The following NF1 variants were observed in gnomAD, a reference collection of about 807,000 sequenced individuals.
NF1 encodes neurofibromin.
NF1 carries 122 observed loss-of-function variants against 325.7 expected under a neutral mutation model. That is an observed-to-expected ratio of 0.37 (90% confidence interval 0.32 to 0.44). The LOEUF (loss-of-function observed/expected upper bound fraction) is 0.44, where lower values mean the gene tolerates loss of function less well. Among genes scored for constraint, NF1 ranks in the 20% least tolerant of loss-of-function variants. The probability of loss-of-function intolerance (pLI) is 1.00; values close to 1 mark genes in which losing one functional copy is unlikely to be tolerated. For missense variants in NF1, 2,140 were observed against 3,415.4 expected (o/e 0.63, Z 9.31); for synonymous variants, 1,091 against 1,186.0 (o/e 0.92, Z 1.65).
chr17:31,184,741 C>A (rs543957583), intron 8 of NF1, among the ~76,000 whole-genome samples: 2 of 152,058 alleles, frequency 1.3e-5, no homozygotes, highest in African/African-American at 4.8e-5. Context: ...AGATACTGAG[C>A]CTCAAATCTG....
intron 8 of NF1, among the ~76,000 whole-genome samples, chr17:31,188,571 G>C (rs2066282415): frequency 6.6e-6 from 1 of 152,086 alleles, no homozygotes. Context: ...ACAAGGGGTG[G>C]ACTTGTGATG....
Position 31,350,278 on chromosome 17 carries a change from A to C in NF1, c.7417A>C (p.Met2473Leu), listed in dbSNP as rs1555536144. Residue 2473 changes from methionine (M) to leucine (L), a missense_variant, in exon 50 of 58, where the codon ATG becomes CTG. This residue lies in a region of NF1 where 522 missense variants were observed against 749.0 expected (regional missense o/e 0.70). Coordinates refer to ENST00000358273, the MANE Select transcript of NF1 (RefSeq NM_001042492.3). ...TGATATTTCAATGGAAAATGTTCCTATGGATACATATCCCATTCATCATGG... is the reference window on the plus strand; with the variant it reads ...TGATATTTCAATGGAAAATGTTCCTCTGGATACATATCCCATTCATCATGG... ...LTDISMENVP[M>L]DTYPIHHGDP... 1 of 1,613,290 alleles carries C rather than the reference A, an allele frequency of 6.2e-7. No homozygotes were observed.
intron 2 of NF1, 74 bp from the exon 3 acceptor site, chr17:31,158,936 C>T: frequency 1.2e-6 from 1 of 861,258 alleles, no homozygotes; most frequent in Non-Finnish European, 2.0e-6. Context: ...TTTAGTCTTT[C>T]ACTTTTCAGA....
At chr17:31,197,582 T>A (rs1173104780) in intron 8 of NF1, among the ~76,000 whole-genome samples, 1 of 152,186 alleles carries the variant, frequency 6.6e-6, no homozygotes, top group African/African-American at 2.4e-5. Context: ...TGGAATTGTT[T>A]TCTTAATTTC....
intron 29 of NF1, among the ~76,000 whole-genome samples, chr17:31,242,176 C>T (rs1298174930): frequency 6.6e-6 from 1 of 151,700 alleles, no homozygotes; most frequent in African/African-American, 2.4e-5. Context: ...TTTCTTTATC[C>T]TTGACCTTTG....
chr17:31,158,712 G>T (rs2065710429), intron 2 of NF1, among the ~76,000 whole-genome samples: 1 of 151,996 alleles, frequency 6.6e-6, no homozygotes, highest in Non-Finnish European at 1.5e-5. Flanking sequence ...CAAGATTCTG[G>T]TACAGGTCTA....
chr17:31,343,694 A>T (rs1200681454), intron 48 of NF1, among the ~76,000 whole-genome samples: 2 of 151,950 alleles, frequency 1.3e-5, no homozygotes, highest in Non-Finnish European at 2.9e-5. Context: ...GGTGGCTCAC[A>T]CCTGTAGTCC....
chr17:31,112,416 G>A (rs1386881804), intron 1 of NF1, among the ~76,000 whole-genome samples: 1 of 152,150 alleles, frequency 6.6e-6, no homozygotes, highest in Non-Finnish European at 1.5e-5. Flanking sequence ...GTATATGAGA[G>A]TTTCAGTTGT....
At chr17:31,338,174 A>C in intron 45 of NF1, 35 bp downstream of exon 45, 1 of 1,422,992 alleles carries the variant, frequency 7.0e-7, no homozygotes. Context: ...CCAAATATTT[A>C]TGGTTCTCAA....
At chr17:31,266,057 T>C (rs1251015872) in intron 36 of NF1, among the ~76,000 whole-genome samples, 2 of 152,200 alleles carry the variant, frequency 1.3e-5, no homozygotes, top group Admixed American at 6.5e-5. Flanking sequence ...TTCATGGTAA[T>C]TGAGCCTTAG....
intron 57 of NF1, among the ~76,000 whole-genome samples, chr17:31,372,883 G>A (rs1396800394): frequency 6.6e-6 from 1 of 152,104 alleles, no homozygotes; most frequent in Non-Finnish European, 1.5e-5. Flanking sequence ...GGGCATGGTG[G>A]CATGCACCTG....
chr17:31,302,229 A>G (rs961531117), intron 36 of NF1, among the ~76,000 whole-genome samples: 8 of 152,214 alleles, frequency 5.3e-5, no homozygotes, highest in South Asian at 2.1e-4. Flanking sequence ...ACCTCCCTTT[A>G]AAAGTACTTA....
At chr17:31,228,016 G>A (rs1373686225) in intron 20 of NF1, among the ~76,000 whole-genome samples, 1 of 152,022 alleles carries the variant, frequency 6.6e-6, no homozygotes, top group African/African-American at 2.4e-5. Flanking sequence ...CCTTCATCAG[G>A]GTGTTTCACA....
In NF1 at chr17:31,200,508, C is replaced by T. The variant is rs747954452; in HGVS notation, c.975C>T (p.Val325=). 1.2e-6 allele frequency: 2 copies of T among 1,614,132 alleles called. No homozygotes were observed. Among genetic ancestry groups the T allele is most frequent in the Non-Finnish European group, 1.7e-6 (2 of 1,180,010 alleles). ...CAGAAAGTGCTGCAATTGCCTGTGT[C>T]AAACTGTGTAAAGCAAGTACTTACA... The part of the protein sequence containing the change: ...QLTESAAIAC[V]KLCKASTYIN... Residue 325 remains valine, a synonymous_variant, in exon 9 of 58, where the codon GTC becomes GTT. Coordinates refer to ENST00000358273, the MANE Select transcript of NF1 (RefSeq NM_001042492.3).
chr17:31,108,924 A>G (rs147127744), intron 1 of NF1, among the ~76,000 whole-genome samples: 36 of 152,274 alleles, frequency 2.4e-4, no homozygotes, highest in African/African-American at 7.7e-4. Context: ...ACAGGGATCT[A>G]TGAGAATCAA....
Position 31,200,578 on chromosome 17 carries a change from A to G in NF1, c.1045A>G (p.Met349Val), listed in dbSNP as rs776050648. 1.9e-6 allele frequency: 3 copies of G among 1,614,158 alleles called. No individual in the cohort carries two copies. The highest frequency in any genetic ancestry group is 1.1e-5 in the South Asian group (1 of 91,086). The change falls in exon 9 of 58, where the codon ATG (methionine) becomes GTG (valine). Residue 349 changes from methionine to valine, a missense_variant. Physicochemically the swap from Met to Val is conservative, Grantham distance 21. Around this residue, in one of 10 missense-constraint regions of NF1, gnomAD observed 179 missense variants for 381.0 expected, o/e 0.47. Transcript: ENST00000358273. ...NSVIFLLVQS[M>V]VVDLKNLLFN... ...TGTCATTTTCCTACTTGTTCAGTCC[A>G]TGGTGGTTGATCTTAAGGTAACATG...
At chr17:31,284,553 G>A (rs2068187117) in intron 36 of NF1, among the ~76,000 whole-genome samples, 1 of 151,728 alleles carries the variant, frequency 6.6e-6, no homozygotes, top group Non-Finnish European at 1.5e-5. Context: ...CCAAAATGCT[G>A]GGATTACAGG....
At chr17:31,249,849 G>C in intron 30 of NF1, 1 of 419,260 alleles carries the variant, frequency 2.4e-6, no homozygotes, top group Non-Finnish European at 4.8e-6. Flanking sequence ...TTTGGAAACT[G>C]TGATTCTGGA....
chr17:31,219,501 C>A (rs540343491), intron 14 of NF1: 19 of 153,098 alleles, frequency 1.2e-4, no homozygotes, highest in African/African-American at 4.6e-4. Flanking sequence ...TATTATTGTA[C>A]TTTTAAGTTT....
Sources: allele counts gnomAD v4.1 joint callset (sites outside exome capture counted in the v4.1 genomes callset), GRCh38; gene constraint gnomAD v4.1.1; regional missense constraint gnomAD v4.1.1; transcripts MANE v1.5; gene names NCBI Gene and HGNC (gene_info 2026-07-23, HGNC 2026-07-21).